The following FBXO22 variants were observed in gnomAD, a reference collection of about 807,000 sequenced individuals.
The protein encoded by FBXO22 is F-box protein 22.
A neutral mutation model predicts 37.2 loss-of-function variants in FBXO22; 13 were observed. That is an observed-to-expected ratio of 0.35 (90% CI 0.23 to 0.56). FBXO22 has a LOEUF of 0.56. Ranked by LOEUF, FBXO22 falls within the 20% of genes least tolerant of loss-of-function variation. The probability of loss-of-function intolerance (pLI) is 0.87; values close to 1 mark genes in which losing one functional copy is unlikely to be tolerated. For synonymous variants in FBXO22, 189 were observed against 189.1 expected (o/e 1.00, Z 0.00); for missense variants, 446 against 509.9 (o/e 0.87, Z 1.21).
At chr15:75,909,825 G>A (rs1247852121) in intron 2 of FBXO22, among the ~76,000 whole-genome samples, 2 of 146,076 alleles carry the variant, frequency 1.4e-5, no homozygotes, top group Non-Finnish European at 3.0e-5. Context: ...ATGCAGGTTT[G>A]TTACATAGGT....
intron 2 of FBXO22, among the ~76,000 whole-genome samples, chr15:75,909,414 G>A (rs1899999436): frequency 6.6e-6 from 1 of 152,168 alleles, no homozygotes. Flanking sequence ...GGGCCCTGAA[G>A]GAAGCCTTGC....
rs1358440360 is a variant in FBXO22, at chr15:75,932,834, C to T, written c.944C>T (p.Pro315Leu). Reference sequence around the variant, plus strand: ...CAGCGCCTCAAAGCGGCCAACATTCCAGAGCATAACACCATTGGCTTCATG... The same window carrying T: ...CAGCGCCTCAAAGCGGCCAACATTCTAGAGCATAACACCATTGGCTTCATG... ...AMQRLKAANI[P>L]EHNTIGFMFA... Residue 315 changes from proline to leucine, a missense_variant, in exon 7 of 7, where the codon CCA becomes CTA. By Grantham distance (98) the Pro-to-Leu change is moderately conservative (BLOSUM62 -3). Transcript: ENST00000308275. The T allele has an allele frequency of 3.1e-6, 5 of 1,614,122 alleles. No homozygotes were observed. The African/African-American group carries it at 4.0e-5, about 13-fold the overall frequency.
rs2030357434 is a variant in FBXO22, at chr15:75,936,572, G to A, written c.*3470G>A. ...CCAATAAGTATCACTTAATATTTTG[G>A]TATGGAAACTTTTTTTTTTTTGAGA... On this transcript the variant is annotated 3_prime_UTR_variant, in exon 7 of 7. Coordinates refer to ENST00000308275, the MANE Select transcript of FBXO22 (RefSeq NM_147188.3). 1 of 151,962 alleles carries A rather than the reference G, an allele frequency of 6.6e-6. No individual in the cohort carries two copies. Among genetic ancestry groups the A allele is most frequent in the East Asian group, 1.9e-4 (1 of 5,192 alleles). The allele number at this position is 151,962 out of a possible 1,614,324, so 9.4% of individuals were successfully genotyped here.
rs773806650 is a variant in FBXO22, at chr15:75,933,036, AGAT to A, written c.1153_1155del (p.Asp385del). ...TATTGAGGAAATGTAATGAGGTAAA[AGAT>A]GATGATCTGTTTCATAGCTATACAA... On this transcript the variant is annotated inframe_deletion, in exon 7 of 7. Coordinates refer to ENST00000308275, the MANE Select transcript of FBXO22 (RefSeq NM_147188.3). 6.8e-6 allele frequency: 11 copies of A among 1,614,092 alleles called. No homozygotes were observed. The highest frequency in any genetic ancestry group is 2.2e-5 in the South Asian group (2 of 91,094).
chr15:75,912,748 T>C (rs1900089662), intron 2 of FBXO22, among the ~76,000 whole-genome samples: 1 of 152,228 alleles, frequency 6.6e-6, no homozygotes, highest in Non-Finnish European at 1.5e-5. Flanking sequence ...GAAGGATTTT[T>C]CTTGTCTCTA....
At chr15:75,908,257 T>A (rs1437150704) in intron 2 of FBXO22, among the ~76,000 whole-genome samples, 1 of 151,786 alleles carries the variant, frequency 6.6e-6, no homozygotes, top group Non-Finnish European at 1.5e-5. Context: ...AAGACCTAAA[T>A]CTGTTTTTTG....
chr15:75,927,949 G>A (rs189372059), intron 5 of FBXO22, among the ~76,000 whole-genome samples: 31 of 152,216 alleles, frequency 2.0e-4, no homozygotes, highest in African/African-American at 4.1e-4. Context: ...CAAAGCACCC[G>A]TTTGGTAATG....
chr15:75,923,551 A>G (rs1900375445), intron 5 of FBXO22, among the ~76,000 whole-genome samples: 1 of 152,174 alleles, frequency 6.6e-6, no homozygotes, highest in African/African-American at 2.4e-5. Flanking sequence ...TATTTGAGGG[A>G]AGTGCAGCAA....
chr15:75,913,114 A>C (rs1229042270), intron 2 of FBXO22, 89 bp from the exon 3 acceptor site: 4 of 791,244 alleles, frequency 5.1e-6, no homozygotes. Context: ...ATTTGATTGC[A>C]CTATGGACTG....
intron 5 of FBXO22, among the ~76,000 whole-genome samples, chr15:75,917,636 T>G (rs1286761456): frequency 6.6e-6 from 1 of 152,222 alleles, no homozygotes; most frequent in Non-Finnish European, 1.5e-5. Flanking sequence ...GAACCAGAGA[T>G]GAAAAATTTT....
rs2141730258 is a variant in FBXO22, at chr15:75,935,472, T to G, written c.*2370T>G. 1 of 152,212 alleles carries G rather than the reference T, an allele frequency of 6.6e-6. No individual in the cohort carries two copies. The highest frequency in any genetic ancestry group is 3.4e-3 in the Middle Eastern group (1 of 294). The allele number at this position is 152,212 out of a possible 1,614,324, so 9.4% of individuals were successfully genotyped here. The stretch of plus-strand genomic sequence containing the variant: ...TACATACTTTCAAAGCAAAATAATT[T>G]CTGGGGCTAGTTTCCTTTGTATAAG... On this transcript the variant is annotated 3_prime_UTR_variant, in exon 7 of 7. Transcript: ENST00000308275.
At chr15:75,927,111 G>T (rs990945020) in intron 5 of FBXO22, among the ~76,000 whole-genome samples, 11 of 152,186 alleles carry the variant, frequency 7.2e-5, no homozygotes, top group Admixed American at 7.2e-4. Context: ...TCCTGGTCGG[G>T]GGGAGGGGTG....
At chr15:75,918,889 C>G (rs907938087) in intron 5 of FBXO22, among the ~76,000 whole-genome samples, 1 of 152,110 alleles carries the variant, frequency 6.6e-6, no homozygotes, top group African/African-American at 2.4e-5. Context: ...ATACAAAATT[C>G]GTTTTGGAGG....
At chr15:75,928,577 TAC>T (rs921711072) in intron 5 of FBXO22, among the ~76,000 whole-genome samples, 19 of 152,250 alleles carry the variant, frequency 1.2e-4, no homozygotes, top group Non-Finnish European at 1.9e-4. Flanking sequence ...CACTGGGGCC[TAC>T]CAGAGGGTGG....
intron 2 of FBXO22, chr15:75,905,489 T>TTA (rs1294933887): frequency 1.3e-5 from 2 of 152,226 alleles, no homozygotes; most frequent in African/African-American, 4.8e-5. Flanking sequence ...TCTGTTTACT[T>TTA]TAGTACGGCT....
chr15:75,915,658 T>C (rs932951127), intron 4 of FBXO22, among the ~76,000 whole-genome samples: 1 of 151,848 alleles, frequency 6.6e-6, no homozygotes, highest in Non-Finnish European at 1.5e-5. Context: ...TCCCAGCACT[T>C]TGGGAGGCCG....
intron 4 of FBXO22, among the ~76,000 whole-genome samples, chr15:75,916,300 A>C (rs1900186917): frequency 6.6e-6 from 1 of 152,134 alleles, no homozygotes; most frequent in Non-Finnish European, 1.5e-5. Context: ...AAAATACCAC[A>C]GACTGGGTGA....
chr15:75,905,640 A>G (rs972125355), intron 2 of FBXO22: 8 of 152,248 alleles, frequency 5.3e-5, no homozygotes, highest in Non-Finnish European at 8.8e-5. Context: ...ATCTGTTCCC[A>G]ATTGCAATTT....
At chr15:75,913,570 A>G (rs1020237874) in intron 3 of FBXO22, among the ~76,000 whole-genome samples, 4 of 152,222 alleles carry the variant, frequency 2.6e-5, no homozygotes, top group African/African-American at 9.6e-5. Flanking sequence ...TTATTAAAAC[A>G]GGTTGTATGA....
Sources: gnomAD v4.1 joint callset for allele counts (sites outside exome capture counted in the v4.1 genomes callset) on GRCh38, gnomAD v4.1.1 for gene constraint, MANE v1.5 for transcripts, NCBI Gene and HGNC (gene_info 2026-07-23, HGNC 2026-07-21) for gene names.